Variants in NALCN observed in about 807,000 individuals in gnomAD.
NALCN encodes the protein sodium leak channel, non-selective.
Under a neutral mutation model 225.3 loss-of-function variants are expected in NALCN, and 111 were observed. That is an observed-to-expected ratio of 0.49 (90% CI 0.42 to 0.58). The LOEUF (loss-of-function observed/expected upper bound fraction) is 0.58, where lower values mean the gene tolerates loss of function less well. NALCN is among the 20% of genes least tolerant of loss of function. The pLI is 0.00. For synonymous variants in NALCN, 764 were observed against 769.0 expected (o/e 0.99, Z 0.11); for missense variants, 1,378 against 2,202.4 (o/e 0.63, Z 7.49).
intron 6 of NALCN, among the ~76,000 whole-genome samples, chr13:101,356,557 A>AT (rs2046067576): frequency 6.6e-6 from 1 of 152,158 alleles, no homozygotes; most frequent in African/African-American, 2.4e-5. Context: ...TACCAACCAA[A>AT]AAAAGCCCAG....
chr13:101,403,122 ATCT>A (rs2047523123), intron 1 of NALCN, among the ~76,000 whole-genome samples: 1 of 152,176 alleles, frequency 6.6e-6, no homozygotes, highest in Non-Finnish European at 1.5e-5. Flanking sequence ...ACCTCAGTGT[ATCT>A]TCTTATTTCT....
chr13:101,054,029 G>A lies in NALCN; in HGVS notation c.*1266C>T, dbSNP rs1210135426. 6.6e-6 allele frequency: 1 copy of A among 152,144 alleles called. No homozygotes were observed. The highest frequency in any genetic ancestry group is 1.5e-5 in the Non-Finnish European group (1 of 68,032). The allele number at this position is 152,144 out of a possible 1,614,324, so 9.4% of individuals were successfully genotyped here. ...ATTATAAAACAACCTGGAGGTCACA[G>A]GATTCTGAGATAATCCCTCTGTTAA... On this transcript the variant is annotated 3_prime_UTR_variant, in exon 44 of 44. Transcript: ENST00000251127.
intron 3 of NALCN, among the ~76,000 whole-genome samples, chr13:101,383,531 C>A (rs1185069697): frequency 9.2e-5 from 14 of 152,088 alleles, no homozygotes; most frequent in Admixed American, 9.2e-4. Flanking sequence ...CAGTGGGTGA[C>A]ATATAGCAGA....
intron 2 of NALCN, among the ~76,000 whole-genome samples, chr13:101,397,913 A>G (rs1243345701): frequency 1.3e-5 from 2 of 152,120 alleles, no homozygotes; most frequent in Non-Finnish European, 2.9e-5. Context: ...GTCCTAATGG[A>G]TGAGGAGGAT....
intron 13 of NALCN, among the ~76,000 whole-genome samples, chr13:101,226,687 G>T (rs191723017): frequency 6.6e-6 from 1 of 152,092 alleles, no homozygotes; most frequent in Non-Finnish European, 1.5e-5. Flanking sequence ...GAGACCTCCC[G>T]GGGACCACTG....
chr13:101,283,137 G>C (rs190691603), intron 10 of NALCN, among the ~76,000 whole-genome samples: 1 of 152,152 alleles, frequency 6.6e-6, no homozygotes, highest in African/African-American at 2.4e-5. Flanking sequence ...CCGGTCCTAC[G>C]AGTGGGCTGC....
rs183048954 is a variant in NALCN, at chr13:101,224,436, T to C, written c.1626+4957A>G. Reference sequence around the variant, plus strand: ...CTCTTTTTGATTGTTTCTTTCAATATAAATTCCCTAATCATATCAACCTCA... The same window carrying C: ...CTCTTTTTGATTGTTTCTTTCAATACAAATTCCCTAATCATATCAACCTCA... On this transcript the variant is annotated intron_variant, in intron 13 of 43. Transcript: ENST00000251127. Among the ~76,000 whole-genome samples, 309 of 152,312 alleles carry C rather than the reference T, an allele frequency of 2.0e-3. 2 individuals carry two copies. The highest frequency in any genetic ancestry group is 7.1e-3 in the African/African-American group (295 of 41,560).
chr13:101,387,348 C>G (rs2139458825), intron 3 of NALCN, among the ~76,000 whole-genome samples: 1 of 151,654 alleles, frequency 6.6e-6, no homozygotes, highest in Non-Finnish European at 1.5e-5. Context: ...ACTGCTCACT[C>G]AATAACTAAA....
chr13:101,242,339 A>G (rs144241654), intron 11 of NALCN, among the ~76,000 whole-genome samples: 1,389 of 104,450 alleles, frequency 0.013, 462 homozygotes, highest in South Asian at 0.024. Context: ...TTCTTTCCCT[A>G]TTCATTAATT....
At chr13:101,187,376 G>C (rs1057261055) in intron 14 of NALCN, among the ~76,000 whole-genome samples, 2 of 151,876 alleles carry the variant, frequency 1.3e-5, no homozygotes, top group Non-Finnish European at 2.9e-5. Flanking sequence ...GACAAAGGAG[G>C]ACTACTATAT....
chr13:101,177,873 T>C (rs2039026484), intron 14 of NALCN, among the ~76,000 whole-genome samples: 3 of 152,208 alleles, frequency 2.0e-5, no homozygotes, highest in African/African-American at 7.2e-5. Context: ...TTTTCAATTT[T>C]AATGAGTATA....
intron 7 of NALCN, among the ~76,000 whole-genome samples, chr13:101,308,547 G>T (rs1398845455): frequency 6.6e-6 from 1 of 152,138 alleles, no homozygotes; most frequent in Non-Finnish European, 1.5e-5. Context: ...AAATCAACTT[G>T]TGTCTTGCTT....
intron 10 of NALCN, among the ~76,000 whole-genome samples, chr13:101,278,522 C>CAA (rs3061766): frequency 0.1 from 8,821 of 86,262 alleles, 810 homozygotes; most frequent in East Asian, 0.21. Context: ...GACTCTGTCT[C>CAA]AAAAAAAAAA....
At chr13:101,314,839 G>C (rs1260103931) in intron 7 of NALCN, among the ~76,000 whole-genome samples, 2 of 152,144 alleles carry the variant, frequency 1.3e-5, no homozygotes, top group African/African-American at 4.8e-5. Flanking sequence ...TATTTAACGT[G>C]TCATTTGGAT....
intron 26 of NALCN, 56 bp downstream of exon 26, chr13:101,103,114 TTA>T (rs2034911429): frequency 6.4e-7 from 1 of 1,561,814 alleles, no homozygotes; most frequent in Admixed American, 1.9e-5. Context: ...TTTTCCCTCA[TTA>T]GCTGCATTAG....
At chr13:101,412,782 G>A (rs572946070) in intron 1 of NALCN, among the ~76,000 whole-genome samples, 1 of 152,262 alleles carries the variant, frequency 6.6e-6, no homozygotes, top group African/African-American at 2.4e-5. Context: ...TTACCTGTGG[G>A]GGTACAGATT....
intron 12 of NALCN, among the ~76,000 whole-genome samples, chr13:101,235,014 T>C (rs1388741150): frequency 6.6e-6 from 1 of 151,942 alleles, no homozygotes; most frequent in Non-Finnish European, 1.5e-5. Context: ...TAAATTGGTT[T>C]CTTTCTAGTC....
At chr13:101,313,406 T>C (rs1216750096) in intron 7 of NALCN, among the ~76,000 whole-genome samples, 1 of 152,082 alleles carries the variant, frequency 6.6e-6, no homozygotes, top group Non-Finnish European at 1.5e-5. Context: ...ACCTATAAAA[T>C]GGGAGAAAAT....
chr13:101,329,759 C>A (rs1179766709), intron 7 of NALCN, among the ~76,000 whole-genome samples: 2 of 152,062 alleles, frequency 1.3e-5, no homozygotes, highest in Non-Finnish European at 2.9e-5. Flanking sequence ...AAAACATAGG[C>A]TGGACACAGT....
Sources: allele counts gnomAD v4.1 joint callset (sites outside exome capture counted in the v4.1 genomes callset), GRCh38; gene constraint gnomAD v4.1.1; transcripts MANE v1.5; gene names NCBI Gene and HGNC (gene_info 2026-07-23, HGNC 2026-07-21).